Variants in CCNJL observed in about 807,000 individuals in gnomAD.
CCNJL encodes cyclin-J-like protein.
In CCNJL, 33 loss-of-function variants were observed where a neutral mutation model predicts 33.4. The ratio of observed to expected loss-of-function variants is 0.99; its 90% confidence interval spans 0.75 to 1.32. The LOEUF is 1.32. CCNJL is among the 40% of genes most tolerant of loss of function. The probability of loss-of-function intolerance (pLI) is 0.00; values close to 1 mark genes in which losing one functional copy is unlikely to be tolerated. For missense variants in CCNJL, 512 were observed against 499.7 expected, an observed-to-expected ratio of 1.02 and a Z score of -0.23; for synonymous variants, 227 against 220.9, an observed-to-expected ratio of 1.03 and a Z score of -0.24.
At chr5:160,283,825 T>C (rs1381492323) in intron 2 of CCNJL, among the ~76,000 whole-genome samples, 2 of 152,044 alleles carry the variant, frequency 1.3e-5, no homozygotes, top group Admixed American at 1.3e-4. Flanking sequence ...TGTCCATGAG[T>C]TCAATTGCTT....
intron 1 of CCNJL, among the ~76,000 whole-genome samples, chr5:160,321,056 TTCTTTCTTTCTTTC>T (rs1763453208): frequency 1.6e-5 from 2 of 126,628 alleles, no homozygotes; most frequent in Non-Finnish European, 3.1e-5. Flanking sequence ...CTTTCTTTCT[TTCTTTCTTTCTTTC>T]TTTCTTTCTT....
chr5:160,254,105 C>A (rs1760947392), intron 5 of CCNJL: 1 of 463,134 alleles, frequency 2.2e-6, no homozygotes, highest in Admixed American at 4.0e-5. Context: ...GAGTAACCTG[C>A]TCCAGAGGGT....
intron 1 of CCNJL, among the ~76,000 whole-genome samples, chr5:160,318,671 C>A (rs1449600429): frequency 6.6e-6 from 1 of 152,202 alleles, no homozygotes; most frequent in African/African-American, 2.4e-5. Flanking sequence ...TAGTATTATG[C>A]CTAAGGTAGA....
chr5:160,280,141 G>A (rs1561788685), intron 3 of CCNJL, among the ~76,000 whole-genome samples: 1 of 152,192 alleles, frequency 6.6e-6, no homozygotes, highest in African/African-American at 2.4e-5. Context: ...CAGGAAGCAG[G>A]AGACAGGAGG....
upstream of CCNJL, among the ~76,000 whole-genome samples, chr5:160,316,392 A>G (rs1011905715): frequency 2.6e-5 from 4 of 151,086 alleles, no homozygotes; most frequent in African/African-American, 7.3e-5. Context: ...AGTGCATTCT[A>G]CTTATCTTCA....
At chr5:160,331,950 TA>T (rs894681633) in intron 1 of CCNJL, among the ~76,000 whole-genome samples, 2 of 152,190 alleles carry the variant, frequency 1.3e-5, no homozygotes, top group Non-Finnish European at 2.9e-5. Flanking sequence ...TCAATCATAA[TA>T]CTCTGGGGGT....
In CCNJL at chr5:160,251,588, A is replaced by G. The variant is rs183152571; in HGVS notation, c.*1790T>C. 7.4e-3 allele frequency: 1,130 copies of G among 152,302 alleles called. 9 individuals carry two copies. Among genetic ancestry groups the G allele is most frequent in the Non-Finnish European group, 0.012 (818 of 68,116 alleles). 9.4% of individuals were successfully genotyped at this position (152,302 alleles called of 1,614,324 possible). ...CACCCTCTACCATAGGGAGATGCTCACCAGGGCTGATTTGAGAGAGGGAAG... is the reference window on the plus strand; with the variant it reads ...CACCCTCTACCATAGGGAGATGCTCGCCAGGGCTGATTTGAGAGAGGGAAG... On this transcript the variant is annotated 3_prime_UTR_variant, in exon 6 of 6. Coordinates refer to ENST00000257536, the MANE Select transcript of CCNJL (RefSeq NM_001308173.3).
At chr5:160,265,151 C>G (rs1022678827) in intron 3 of CCNJL, among the ~76,000 whole-genome samples, 1 of 152,192 alleles carries the variant, frequency 6.6e-6, no homozygotes, top group African/African-American at 2.4e-5. Context: ...CTAGACAGAC[C>G]GTGTTCTGCA....
chr5:160,254,125 T>C, intron 5 of CCNJL: 1 of 463,500 alleles, frequency 2.2e-6, no homozygotes, highest in South Asian at 5.1e-5. Flanking sequence ...TAACTTCTAG[T>C]TACCTGGCTT....
intron 4 of CCNJL, among the ~76,000 whole-genome samples, chr5:160,256,191 G>A (rs1423634901): frequency 2.6e-5 from 4 of 152,164 alleles, no homozygotes; most frequent in African/African-American, 4.8e-5. Context: ...GCTCAGACCA[G>A]TCTGAGATTT....
At chr5:160,313,864 A>G (rs1445006580), upstream of CCNJL, among the ~76,000 whole-genome samples, 3 of 152,238 alleles carry the variant, frequency 2.0e-5, no homozygotes, top group Non-Finnish European at 4.4e-5. Flanking sequence ...TAAGAAATTT[A>G]TATTTTAAAA....
At chr5:160,309,780 G>A (rs1281623976) in intron 2 of CCNJL, among the ~76,000 whole-genome samples, 1 of 152,190 alleles carries the variant, frequency 6.6e-6, no homozygotes, top group Non-Finnish European at 1.5e-5. Context: ...ATAACCAAAG[G>A]AACTTGGGAT....
intron 1 of CCNJL, among the ~76,000 whole-genome samples, chr5:160,323,028 C>T (rs1032023581): frequency 1.3e-5 from 2 of 151,960 alleles, no homozygotes; most frequent in East Asian, 1.9e-4. Context: ...AGGTCAGGAG[C>T]TTGAGACCAG....
At chr5:160,321,100 TTC>T (rs1206323619) in intron 1 of CCNJL, among the ~76,000 whole-genome samples, 1 of 146,722 alleles carries the variant, frequency 6.8e-6, no homozygotes, top group African/African-American at 2.5e-5. Flanking sequence ...CCTTCTCTCT[TTC>T]TCTCTCTCTC....
chr5:160,292,829 T>C (rs900394396), intron 2 of CCNJL, among the ~76,000 whole-genome samples: 6 of 152,228 alleles, frequency 3.9e-5, no homozygotes, highest in African/African-American at 1.4e-4. Flanking sequence ...TCAAAAATTA[T>C]AAACTATGCA....
Position 160,276,874 on chromosome 5 carries a change from C to T in CCNJL, c.280+3651G>A, listed in dbSNP as rs192845851. ...TCTCAGCTCACTGTAACCTCTGCTT[C>T]CCAGGCTCAAGCAATTCTCCAGCCT... On this transcript the variant is annotated intron_variant, in intron 3 of 5. Coordinates refer to ENST00000257536, the MANE Select transcript of CCNJL (RefSeq NM_001308173.3). Among the ~76,000 whole-genome samples the T allele has an allele frequency of 1.3e-3, 202 of 152,156 alleles. 2 individuals carry two copies. In the Middle Eastern group the frequency reaches 0.037, roughly 28 times the overall value.
intron 2 of CCNJL, among the ~76,000 whole-genome samples, chr5:160,288,762 C>T (rs1762487813): frequency 2.2e-5 from 3 of 139,192 alleles, no homozygotes; most frequent in Admixed American, 1.6e-4. Context: ...CCCGGGGGGG[C>T]GGAGCTTGCA....
intron 5 of CCNJL, chr5:160,254,452 C>G (rs1438570574): frequency 6.0e-6 from 3 of 498,974 alleles, no homozygotes; most frequent in Non-Finnish European, 1.1e-5. Flanking sequence ...GCTTTGGGGA[C>G]CTTCTCAAAA....
chr5:160,255,477 G>A (rs1038333493), intron 5 of CCNJL, 72 bp downstream of exon 5: 15 of 1,429,426 alleles, frequency 1.0e-5, no homozygotes, highest in Non-Finnish European at 1.5e-5. Context: ...AACTGCCCGT[G>A]GCCTGAGGCA....
Sources: gnomAD v4.1 joint callset for allele counts (sites outside exome capture counted in the v4.1 genomes callset) on GRCh38, gnomAD v4.1.1 for gene constraint, MANE v1.5 for transcripts, NCBI Gene and HGNC (gene_info 2026-07-23, HGNC 2026-07-21) for gene names.